CIMAP1D: variants seen among roughly 807,000 people sequenced by gnomAD.
CIMAP1D encodes the protein CIMAP1 family member D, also known as protein CIMAP1D.
the CIMAP1D span, among the ~76,000 whole-genome samples, chr19:480,125 C>T: frequency 5.9e-5 from 9 of 152,298 alleles, no homozygotes; most frequent in South Asian, 2.1e-4. Context: ...ACTCGGGAGG[C>T]GGGCGAGGCA....
chr19:474,946 G>A, the CIMAP1D span: 31 of 435,470 alleles, frequency 7.1e-5, no homozygotes, highest in Non-Finnish European at 1.1e-4. Flanking sequence ...CAGGCTGGTC[G>A]GCCGGACACT....
chr19:484,191 A>G, the CIMAP1D span, among the ~76,000 whole-genome samples: 2 of 134,688 alleles, frequency 1.5e-5, no homozygotes, highest in Non-Finnish European at 3.1e-5. Context: ...ACCAGGCTGC[A>G]GTGCAATGGC....
chr19:472,999 CT>C, the CIMAP1D span, among the ~76,000 whole-genome samples: 1 of 100,016 alleles, frequency 1.0e-5, no homozygotes, highest in Admixed American at 1.2e-4. Context: ...GATGGGGAAA[CT>C]GAGGCCCAGG....
the CIMAP1D span, chr19:467,735 G>T: frequency 1.2e-6 from 2 of 1,608,638 alleles, no homozygotes; most frequent in Non-Finnish European, 1.7e-6. Context: ...GAAGTAGATG[G>T]GGCCCGGGCT....
chr19:489,836 G>T, the CIMAP1D span: 1 of 380,018 alleles, frequency 2.6e-6, no homozygotes. Context: ...AATGGAGAGC[G>T]AGTCGTCCTC....
chr19:481,498 T>TGGGAAGGATGATGGGAAGGATGATG, the CIMAP1D span, among the ~76,000 whole-genome samples: 1 of 44,756 alleles, frequency 2.2e-5, no homozygotes, highest in Non-Finnish European at 4.3e-5. Context: ...GGAAGGATGA[T>TGGGAAGGATGATGGGAAGGATGATG]GGGAAGGATG....
the CIMAP1D span, among the ~76,000 whole-genome samples, chr19:483,173 G>A: frequency 6.6e-5 from 10 of 151,000 alleles, no homozygotes; most frequent in East Asian, 2.0e-4. Context: ...CCCTGGGGCC[G>A]CTTCCTGGAT....
At chr19:489,481 C>G in the CIMAP1D span, 1 of 152,990 alleles carries the variant, frequency 6.5e-6, no homozygotes, top group African/African-American at 2.4e-5. Context: ...AGAGCCTCGG[C>G]CCCGTTCCCT....
the CIMAP1D span, among the ~76,000 whole-genome samples, chr19:470,572 C>T: frequency 2.6e-5 from 4 of 152,204 alleles, no homozygotes; most frequent in Non-Finnish European, 5.9e-5. Context: ...CACTGGCATT[C>T]TGGGACCCCT....
At chr19:475,700 A>G in the CIMAP1D span, among the ~76,000 whole-genome samples, 3 of 152,110 alleles carry the variant, frequency 2.0e-5, no homozygotes, top group Non-Finnish European at 2.9e-5. Context: ...AGAGGCTCAG[A>G]AAACTGCCAG....
the CIMAP1D span, chr19:463,421 GGCCTCGGGGCT>G: frequency 4.1e-6 from 1 of 246,450 alleles, no homozygotes; most frequent in Non-Finnish European, 7.8e-6. Flanking sequence ...GAAAGGCACA[GGCCTCGGGGCT>G]GCCTCCAGCC....
the CIMAP1D span, chr19:464,445 CACCCTGGA>C: frequency 1.7e-5 from 14 of 814,744 alleles, no homozygotes; most frequent in Non-Finnish European, 2.8e-5. Context: ...GGCCCACATG[CACCCTGGA>C]GCTTACAACG....
chr19:479,481 T>C, the CIMAP1D span, among the ~76,000 whole-genome samples: 1 of 146,734 alleles, frequency 6.8e-6, no homozygotes, highest in Non-Finnish European at 1.5e-5. Flanking sequence ...CTCAGCTCAC[T>C]GCAACCTCTG....
the CIMAP1D span, among the ~76,000 whole-genome samples, chr19:488,041 C>T: frequency 6.6e-6 from 1 of 152,108 alleles, no homozygotes; most frequent in South Asian, 2.1e-4. Flanking sequence ...CGATCACGAC[C>T]CTCTCACGCG....
At chr19:476,546 A>C in the CIMAP1D span, among the ~76,000 whole-genome samples, 3 of 152,162 alleles carry the variant, frequency 2.0e-5, no homozygotes, top group Non-Finnish European at 4.4e-5. Context: ...ACAATTATAC[A>C]TTTCACCCTG....
the CIMAP1D span, chr19:464,237 AG>A: frequency 6.6e-7 from 1 of 1,523,978 alleles, no homozygotes; most frequent in Non-Finnish European, 8.8e-7. Context: ...CATTAGGGGC[AG>A]GGGCTGAGGT....
chr19:471,066 G>A, the CIMAP1D span, among the ~76,000 whole-genome samples: 1 of 152,244 alleles, frequency 6.6e-6, no homozygotes, highest in Admixed American at 6.5e-5. Flanking sequence ...GGGGCTCAGG[G>A]CTCAGCCTCA....
At chr19:468,633 G>A in the CIMAP1D span, among the ~76,000 whole-genome samples, 1 of 152,226 alleles carries the variant, frequency 6.6e-6, no homozygotes, top group Admixed American at 6.5e-5. Context: ...GATTGAGACC[G>A]TTTGCTGCTT....
At chr19:489,972 C>G in the CIMAP1D span, 3 of 398,388 alleles carry the variant, frequency 7.5e-6, no homozygotes, top group Non-Finnish European at 1.3e-5. Context: ...AGAGCGGCGT[C>G]CCCAGAAGCG....
Sources: gnomAD v4.1 joint callset for allele counts (sites outside exome capture counted in the v4.1 genomes callset) on GRCh38, gnomAD v4.1.1 for gene constraint, MANE v1.5 for transcripts, NCBI Gene and HGNC (gene_info 2026-07-23, HGNC 2026-07-21) for gene names.